The following THSD7B variants were observed in gnomAD, a reference collection of about 807,000 sequenced individuals.
THSD7B encodes the protein thrombospondin type-1 domain-containing protein 7B.
A neutral mutation model predicts 213.6 loss-of-function variants in THSD7B; 138 were observed. The observed-to-expected ratio is 0.65, with a 90% CI of 0.56 to 0.74. THSD7B has a LOEUF of 0.74. THSD7B is among the 30% of genes least tolerant of loss of function. The probability of loss-of-function intolerance (pLI) is 0.00; values close to 1 mark genes in which losing one functional copy is unlikely to be tolerated. For synonymous variants in THSD7B, 742 were observed against 687.0 expected (o/e 1.08, Z -1.25); for missense variants, 1,931 against 1,991.5 (o/e 0.97, Z 0.58).
rs112952853 is a variant in THSD7B, at chr2:137,221,267, A to G, written c.1724-9777A>G. 2.5e-3 allele frequency among the ~76,000 whole-genome samples: 388 copies of G among 152,206 alleles called. 3 individuals are homozygous for G. The highest frequency in any genetic ancestry group is 9.1e-3 in the African/African-American group (377 of 41,494). On this transcript the variant is annotated intron_variant, in intron 7 of 27. Transcript: ENST00000409968. ...GCGCCACTGCACTCCAGCCTGGGTG[A>G]CAGAGCAAGGCTCCGTCTCAAAAAA...
At chr2:137,173,862 T>A (rs550370748) in intron 7 of THSD7B, among the ~76,000 whole-genome samples, 1 of 152,304 alleles carries the variant, frequency 6.6e-6, no homozygotes, top group South Asian at 2.1e-4. Flanking sequence ...TTTCCATAAC[T>A]ACAGGAGTTG....
At chr2:137,165,955 GA>G (rs908806738) in intron 6 of THSD7B, among the ~76,000 whole-genome samples, 13 of 151,874 alleles carry the variant, frequency 8.6e-5, no homozygotes, top group Admixed American at 8.5e-4. Flanking sequence ...TTCACATTAA[GA>G]AAAAAAGTAG....
chr2:137,182,186 A>T (rs1298456636), intron 7 of THSD7B, among the ~76,000 whole-genome samples: 1 of 152,210 alleles, frequency 6.6e-6, no homozygotes, highest in Non-Finnish European at 1.5e-5. Context: ...ATACTAAGGC[A>T]TATGGGCATT....
intron 3 of THSD7B, among the ~76,000 whole-genome samples, chr2:137,075,742 G>A (rs1687607153): frequency 6.6e-6 from 1 of 152,106 alleles, no homozygotes; most frequent in Non-Finnish European, 1.5e-5. Context: ...CTTTGATGAT[G>A]GTGACATACA....
intron 12 of THSD7B, among the ~76,000 whole-genome samples, chr2:137,376,675 T>A (rs542698931): frequency 6.6e-6 from 1 of 152,210 alleles, no homozygotes; most frequent in South Asian, 2.1e-4. Context: ...TTAAGGAGCA[T>A]AAAGCTTCTA....
chr2:137,389,402 A>ATTTTTTTTTTTTTT (rs70978214), intron 12 of THSD7B, among the ~76,000 whole-genome samples: 21 of 38,078 alleles, frequency 5.5e-4, no homozygotes, highest in Non-Finnish European at 8.8e-4. Context: ...TCTTAATGTG[A>ATTTTTTTTTTTTTT]TTTTTTTTTT....
chr2:136,845,328 G>A (rs555679802), intron 1 of THSD7B, among the ~76,000 whole-genome samples: 13 of 152,320 alleles, frequency 8.5e-5, no homozygotes, highest in African/African-American at 2.9e-4. Flanking sequence ...TAGTGCAAAA[G>A]GCAGTGCAAG....
intron 7 of THSD7B, among the ~76,000 whole-genome samples, chr2:137,182,954 G>A (rs925738529): frequency 6.6e-6 from 1 of 152,008 alleles, no homozygotes; most frequent in African/African-American, 2.4e-5. Flanking sequence ...ACAGTTCCTG[G>A]CATGTGAATA....
chr2:137,640,570 A>G (rs896133275), intron 20 of THSD7B, among the ~76,000 whole-genome samples: 2 of 152,160 alleles, frequency 1.3e-5, no homozygotes, highest in African/African-American at 4.8e-5. Flanking sequence ...TCTGCAACCT[A>G]CTTTGTTTGT....
chr2:137,063,045 T>G (rs1573797476), intron 3 of THSD7B, among the ~76,000 whole-genome samples: 1 of 151,990 alleles, frequency 6.6e-6, no homozygotes, highest in East Asian at 1.9e-4. Flanking sequence ...TTTATTATTA[T>G]GTAATGCCCA....
intron 1 of THSD7B, among the ~76,000 whole-genome samples, chr2:136,807,385 T>G (rs1413557236): frequency 2.6e-5 from 4 of 152,212 alleles, no homozygotes; most frequent in African/African-American, 7.2e-5. Context: ...TATTTATTTT[T>G]TGCAGACATT....
intron 2 of THSD7B, among the ~76,000 whole-genome samples, chr2:136,945,042 A>G (rs534323292): frequency 9.2e-5 from 14 of 152,084 alleles, no homozygotes; most frequent in African/African-American, 3.1e-4. Flanking sequence ...GTTCCTTTCC[A>G]TTTTTAGTGC....
At chr2:137,638,404 G>A (rs1428066316) in intron 20 of THSD7B, among the ~76,000 whole-genome samples, 1 of 152,138 alleles carries the variant, frequency 6.6e-6, no homozygotes, top group Non-Finnish European at 1.5e-5. Flanking sequence ...TGTAAGAAGT[G>A]CCTTTCACCT....
chr2:137,557,864 A>G (rs1681014017), intron 15 of THSD7B, among the ~76,000 whole-genome samples: 1 of 152,328 alleles, frequency 6.6e-6, no homozygotes, highest in East Asian at 1.9e-4. Flanking sequence ...TAGACGCAAT[A>G]AAAAATGATA....
At chr2:137,159,457 A>G (rs993643867) in intron 5 of THSD7B, among the ~76,000 whole-genome samples, 1 of 151,442 alleles carries the variant, frequency 6.6e-6, no homozygotes, top group Non-Finnish European at 1.5e-5. Flanking sequence ...AATTAATTAA[A>G]TTTAAAAGAG....
chr2:136,886,234 G>C (rs72617045), intron 2 of THSD7B, among the ~76,000 whole-genome samples: 1 of 151,958 alleles, frequency 6.6e-6, no homozygotes, highest in African/African-American at 2.4e-5. Flanking sequence ...GAGATAGAAA[G>C]ACATGGGAGG....
intron 1 of THSD7B, among the ~76,000 whole-genome samples, chr2:136,782,249 G>T (rs1681755778): frequency 6.6e-6 from 1 of 152,214 alleles, no homozygotes; most frequent in Admixed American, 6.5e-5. Flanking sequence ...AGAGGTGTGC[G>T]CTTCTGCTGC....
intron 7 of THSD7B, among the ~76,000 whole-genome samples, chr2:137,191,744 C>G (rs1482009172): frequency 6.6e-6 from 1 of 152,090 alleles, no homozygotes; most frequent in Non-Finnish European, 1.5e-5. Flanking sequence ...CAAATGCTCC[C>G]CCACTGCAGC....
intron 1 of THSD7B, among the ~76,000 whole-genome samples, chr2:136,800,431 G>A (rs1180176840): frequency 1.3e-5 from 2 of 151,956 alleles, no homozygotes; most frequent in East Asian, 3.9e-4. Flanking sequence ...GTATCCATCA[G>A]TAGGCGAATA....
Sources: allele counts gnomAD v4.1 joint callset (sites outside exome capture counted in the v4.1 genomes callset), GRCh38; gene constraint gnomAD v4.1.1; transcripts MANE v1.5; gene names NCBI Gene and HGNC (gene_info 2026-07-23, HGNC 2026-07-21).